The following COL8A1 variants were observed in gnomAD, a reference collection of about 807,000 sequenced individuals.
The protein encoded by COL8A1 is collagen alpha-1(VIII) chain.
A neutral mutation model predicts 42.7 loss-of-function variants in COL8A1; 21 were observed. The observed-to-expected ratio is 0.49, with a 90% confidence interval of 0.35 to 0.71. The LOEUF is 0.71. Among genes scored for constraint, COL8A1 ranks in the 30% least tolerant of loss-of-function variants. COL8A1 has a pLI of 0.01. For missense variants in COL8A1, 788 were observed against 962.4 expected, an observed-to-expected ratio of 0.82 and a Z score of 2.40; for synonymous variants, 367 against 369.1, an observed-to-expected ratio of 0.99 and a Z score of 0.06.
chr3:99,674,335 C>T (rs1001860917), intron 1 of COL8A1, among the ~76,000 whole-genome samples: 3 of 151,854 alleles, frequency 2.0e-5, no homozygotes, highest in African/African-American at 4.8e-5. Flanking sequence ...TTGCTTACTC[C>T]ACCCTGTCAA....
At chr3:99,777,523 G>A (rs1164203122) in intron 2 of COL8A1, among the ~76,000 whole-genome samples, 1 of 152,132 alleles carries the variant, frequency 6.6e-6, no homozygotes, top group African/African-American at 2.4e-5. Flanking sequence ...CTGCTCCTCT[G>A]GAATTCAGAC....
At chr3:99,704,087 AAG>A (rs1939615115) in intron 1 of COL8A1, among the ~76,000 whole-genome samples, 1 of 152,234 alleles carries the variant, frequency 6.6e-6, no homozygotes, top group Non-Finnish European at 1.5e-5. Flanking sequence ...TGTTAATAAA[AAG>A]CTGTACTTTT....
At chr3:99,668,721 A>G (rs1938439042) in intron 1 of COL8A1, among the ~76,000 whole-genome samples, 1 of 152,032 alleles carries the variant, frequency 6.6e-6, no homozygotes, top group African/African-American at 2.4e-5. Context: ...AATCCAGTGA[A>G]CTTACTTTAC....
Position 99,657,222 on chromosome 3 carries a change from A to G in COL8A1, c.-129+18558A>G, listed in dbSNP as rs1938050829. On this transcript the variant is annotated intron_variant, in intron 1 of 3. Coordinates refer to ENST00000652472, the MANE Select transcript of COL8A1 (RefSeq NM_020351.4). ...CAGTAAAATTGATGATCGCATCCCA[A>G]GCTTGATCAGATGTCATGGCTTTTG... Among the ~76,000 whole-genome samples, 3 of 152,198 alleles carry G rather than the reference A, an allele frequency of 2.0e-5. No individual in the cohort carries two copies. In the South Asian group the frequency reaches 6.2e-4, roughly 32 times the overall value.
chr3:99,662,381 C>CA (rs11394075), intron 1 of COL8A1, among the ~76,000 whole-genome samples: 77,361 of 125,898 alleles, frequency 0.61, 22,960 homozygotes, highest in East Asian at 0.83. Context: ...GACTTTGTCT[C>CA]AAAAAAAAAA....
chr3:99,649,807 A>T (rs1327754064), intron 1 of COL8A1, among the ~76,000 whole-genome samples: 2 of 151,898 alleles, frequency 1.3e-5, no homozygotes, highest in Non-Finnish European at 2.9e-5. Flanking sequence ...ACACACACAT[A>T]CACATACACA....
At chr3:99,645,593 T>TTAAA (rs1399872381) in intron 1 of COL8A1, among the ~76,000 whole-genome samples, 6 of 152,146 alleles carry the variant, frequency 3.9e-5, no homozygotes, top group African/African-American at 1.4e-4. Context: ...AGAAGGGGCC[T>TTAAA]TTAGATTTAA....
chr3:99,669,945 G>T (rs1559773513), intron 1 of COL8A1, among the ~76,000 whole-genome samples: 1 of 151,842 alleles, frequency 6.6e-6, no homozygotes. Flanking sequence ...CATTCCAGCG[G>T]AAAAAATGTT....
intron 1 of COL8A1, among the ~76,000 whole-genome samples, chr3:99,671,193 T>C (rs1469910862): frequency 1.3e-5 from 2 of 152,032 alleles, no homozygotes; most frequent in East Asian, 1.9e-4. Context: ...AAAATACAAG[T>C]AACAAGTAAG....
chr3:99,679,814 T>C (rs188345400), intron 1 of COL8A1: 9 of 152,296 alleles, frequency 5.9e-5, no homozygotes, highest in African/African-American at 2.2e-4. Context: ...ATTTGGGAGA[T>C]GAGAAAAACA....
chr3:99,705,726 A>G (rs568505968), intron 1 of COL8A1, among the ~76,000 whole-genome samples: 2 of 152,328 alleles, frequency 1.3e-5, no homozygotes, highest in East Asian at 3.9e-4. Flanking sequence ...CTGATTTATA[A>G]GAAGCAGGGA....
chr3:99,743,904 T>A (rs1044597382), intron 1 of COL8A1, among the ~76,000 whole-genome samples: 2 of 152,200 alleles, frequency 1.3e-5, no homozygotes, highest in Non-Finnish European at 2.9e-5. Context: ...CTTAAAATAT[T>A]TTTTGAACAG....
chr3:99,732,934 G>C (rs1940563618), intron 1 of COL8A1, among the ~76,000 whole-genome samples: 1 of 151,970 alleles, frequency 6.6e-6, no homozygotes, highest in Non-Finnish European at 1.5e-5. Flanking sequence ...CAAAACGAAA[G>C]GACTACAGGC....
intron 1 of COL8A1, among the ~76,000 whole-genome samples, chr3:99,720,400 A>G (rs954897404): frequency 1.3e-5 from 2 of 152,312 alleles, no homozygotes; most frequent in East Asian, 3.9e-4. Context: ...CCAGATTCCT[A>G]TAGACCTTTC....
At chr3:99,702,207 A>C (rs1251322844) in intron 1 of COL8A1, among the ~76,000 whole-genome samples, 1 of 152,196 alleles carries the variant, frequency 6.6e-6, no homozygotes, top group African/African-American at 2.4e-5. Context: ...TGATACTTAA[A>C]GTCATTAACA....
At chr3:99,726,820 T>C (rs1417492905) in intron 1 of COL8A1, among the ~76,000 whole-genome samples, 9 of 152,104 alleles carry the variant, frequency 5.9e-5, no homozygotes, top group African/African-American at 1.9e-4. Context: ...TGTAGCCTTG[T>C]AGTATAGTTT....
intron 1 of COL8A1, among the ~76,000 whole-genome samples, chr3:99,639,424 A>G (rs1263641037): frequency 6.6e-6 from 1 of 152,380 alleles, no homozygotes; most frequent in African/African-American, 2.4e-5. Flanking sequence ...AGAATAATAC[A>G]GGCCAGATTA....
At chr3:99,652,222 T>G (rs2107290867) in intron 1 of COL8A1, among the ~76,000 whole-genome samples, 1 of 152,354 alleles carries the variant, frequency 6.6e-6, no homozygotes, top group South Asian at 2.1e-4. Context: ...CTTCTCATAT[T>G]TATGAAATAG....
At chr3:99,665,908 C>T (rs1247442391) in intron 1 of COL8A1, among the ~76,000 whole-genome samples, 3 of 149,402 alleles carry the variant, frequency 2.0e-5, no homozygotes, top group African/African-American at 7.4e-5. Flanking sequence ...CCAGGCTGGT[C>T]TCGAACTTCT....
Sources: gnomAD v4.1 joint callset for allele counts (sites outside exome capture counted in the v4.1 genomes callset) on GRCh38, gnomAD v4.1.1 for gene constraint, MANE v1.5 for transcripts, NCBI Gene and HGNC (gene_info 2026-07-23, HGNC 2026-07-21) for gene names.